SAPCD2: variants seen among roughly 807,000 people sequenced by gnomAD.
The protein encoded by SAPCD2 is suppressor APC domain containing 2.
SAPCD2 carries 34 observed loss-of-function variants against 37.8 expected under a neutral mutation model. The ratio of observed to expected loss-of-function variants is 0.90; its 90% CI spans 0.68 to 1.20. The LOEUF (loss-of-function observed/expected upper bound fraction) is 1.20. Ranked by LOEUF, SAPCD2 falls within the 50% of genes most tolerant of loss-of-function variation. SAPCD2 has a pLI of 0.00. For synonymous variants in SAPCD2, 275 were observed against 270.3 expected (o/e 1.02, Z -0.17); for missense variants, 572 against 584.7 (o/e 0.98, Z 0.22).
intron 1 of SAPCD2, 108 bp from the exon 2 acceptor site, chr9:137,066,482 C>T: frequency 1.2e-6 from 1 of 817,222 alleles, no homozygotes; most frequent in Non-Finnish European, 1.9e-6. Context: ...TCTCGGGCAC[C>T]AGCCTGGCAT....
intron 2 of SAPCD2, 107 bp from the exon 3 acceptor site, chr9:137,065,775 G>A: frequency 7.4e-7 from 1 of 1,350,546 alleles, no homozygotes; most frequent in Non-Finnish European, 1.0e-6. Flanking sequence ...AGACACAAAT[G>A]CAGCAGCACG....
Position 137,064,271 on chromosome 9 carries a change from T to C in SAPCD2, c.*388A>G. 1 of 257,070 alleles carries C rather than the reference T, an allele frequency of 3.9e-6. No individual in the cohort carries two copies. The highest frequency in any genetic ancestry group is 7.7e-6 in the Non-Finnish European group (1 of 129,934). 15.9% of individuals were successfully genotyped at this position (257,070 alleles called of 1,614,324 possible). ...GCCCCGCGCCCTCTGCTGCCCGTTG[T>C]TGGAAGTGCAGCCTGGCGTGGGCAG... On this transcript the variant is annotated 3_prime_UTR_variant, in exon 6 of 6. Transcript: ENST00000409687.
chr9:137,064,941 G>C lies in SAPCD2; in HGVS notation c.978C>G (p.Ala326=), dbSNP rs1300500264. The change falls in exon 5 of 6, where the codon GCC becomes GCG. Residue 326 remains alanine (A), a synonymous_variant. Coordinates refer to ENST00000409687, the MANE Select transcript of SAPCD2 (RefSeq NM_178448.4). ...PPSSSGPPCP[A]LTSTSPPVWQ... The stretch of plus-strand genomic sequence containing the variant: ...AGACCGGGGGTGAGGTGGACGTCAG[G>C]GCAGGGCAGGGGGGCCCGGAGGAGG... 2.6e-6 allele frequency: 4 copies of C among 1,552,440 alleles called. No individual in the cohort carries two copies. The highest frequency in any genetic ancestry group is 3.5e-6 in the Non-Finnish European group (4 of 1,148,544).
In SAPCD2 at chr9:137,064,761, G is replaced by T; in HGVS notation, c.1083C>A (p.Ile361=). ...TQEVTEKSER[I]TQLEQEKSAL... is the part of the protein sequence containing the mutation. ...CCGACTTCTCCTGCTCCAGCTGCGT[G>T]ATGCGCTCACTCTTCTCGGTCACCT... Residue 361 remains isoleucine (I), a synonymous_variant, in exon 6 of 6, where the codon ATC becomes ATA. Transcript: ENST00000409687. 6.3e-7 allele frequency: 1 copy of T among 1,594,504 alleles called. No individual in the cohort carries two copies. The highest frequency in any genetic ancestry group is 8.5e-7 in the Non-Finnish European group (1 of 1,171,272).
At chr9:137,068,750 A>C (rs981251517) in intron 1 of SAPCD2, among the ~76,000 whole-genome samples, 1 of 152,246 alleles carries the variant, frequency 6.6e-6, no homozygotes, top group Non-Finnish European at 1.5e-5. Flanking sequence ...GGTGGACCAC[A>C]GGCTTAGGCC....
At position 137,070,155 on chromosome 9, in the gene SAPCD2, G is replaced by T; in HGVS notation, c.306C>A (p.Pro102=). The T allele has an allele frequency of 8.2e-7, 1 of 1,217,056 alleles. No individual in the cohort carries two copies. The highest frequency in any genetic ancestry group is 4.4e-5 in the Admixed American group (1 of 22,952). 75.4% of individuals were successfully genotyped at this position (1,217,056 alleles called of 1,614,324 possible). The change falls in exon 1 of 6, where the codon CCC becomes CCA. Residue 102 remains proline, a synonymous_variant. Transcript: ENST00000409687. ...GGGCCGGGGCGCGCGTGGGGTCCCG[G>T]GGGCCGCCGTCGGCGCTCAGCAGGG... ...RTSLLSADGG[P]RDPTRAPARP... is the part of the protein sequence containing the mutation.
At chr9:137,065,807 A>C in intron 2 of SAPCD2, 139 bp from the exon 3 acceptor site, 8 of 1,026,530 alleles carry the variant, frequency 7.8e-6, no homozygotes, top group Non-Finnish European at 8.6e-6. Context: ...GCAAACACCC[A>C]CGGACGCACG....
chr9:137,067,982 C>A (rs1832574309), intron 1 of SAPCD2, among the ~76,000 whole-genome samples: 1 of 152,100 alleles, frequency 6.6e-6, no homozygotes, highest in Admixed American at 6.5e-5. Flanking sequence ...CCTCCCCAGG[C>A]TACAGAAGTG....
At chr9:137,069,379 G>T (rs538447706) in intron 1 of SAPCD2, among the ~76,000 whole-genome samples, 196 of 152,124 alleles carry the variant, frequency 1.3e-3, no homozygotes, top group African/African-American at 4.7e-3. Context: ...GGTCCTCTTG[G>T]GCCACCAGCA....
chr9:137,068,428 C>T (rs969641199), intron 1 of SAPCD2, among the ~76,000 whole-genome samples: 5 of 152,312 alleles, frequency 3.3e-5, no homozygotes, highest in South Asian at 2.1e-4. Context: ...AGCCAGCAGG[C>T]CACACCTCCA....
At position 137,070,336 on chromosome 9, in the gene SAPCD2, C is replaced by A. The variant is rs773495264; in HGVS notation, c.125G>T (p.Arg42Leu). Residue 42 changes from arginine (R) to leucine (L), a missense_variant, in exon 1 of 6, where the codon CGG becomes CTG. Arg to Leu is a moderately radical substitution (Grantham distance 102). Coordinates refer to ENST00000409687, the MANE Select transcript of SAPCD2 (RefSeq NM_178448.4). ...LRTLFDILDDRRRGCVHLREI... is the reference protein window; with the variant it reads ...LRTLFDILDDLRRGCVHLREI... ...GCGCAGGTGCACGCAGCCGCGCCGC[C>A]GGTCGTCCAGGATGTCGAACAGGGT... 8 of 1,472,376 alleles carry A rather than the reference C, an allele frequency of 5.4e-6. No homozygotes were observed. The highest frequency in any genetic ancestry group is 2.9e-5 in the East Asian group (1 of 34,060). 91.2% of individuals were successfully genotyped at this position (1,472,376 alleles called of 1,614,324 possible). A position where few individuals can be genotyped will look rare whatever the true frequency, so the allele number is the denominator to read the frequency against.
Position 137,064,925 on chromosome 9 carries a change from G to C in SAPCD2, c.994C>G (p.Pro332Ala). Residue 332 changes from proline to alanine, a missense_variant, in exon 5 of 6, where the codon CCC (proline) becomes GCC (alanine). Transcript: ENST00000409687. ...PPCPALTSTS[P>A]PVWQQQTILM... ...ATGGTCTGCTGCTGCCAGACCGGGG[G>C]TGAGGTGGACGTCAGGGCAGGGCAG... 1 of 1,556,668 alleles carries C rather than the reference G, an allele frequency of 6.4e-7. No individual in the cohort carries two copies. Among genetic ancestry groups the C allele is most frequent in the Non-Finnish European group, 8.7e-7 (1 of 1,150,648 alleles).
intron 1 of SAPCD2, among the ~76,000 whole-genome samples, chr9:137,069,349 C>T (rs1402347973): frequency 6.6e-6 from 1 of 152,326 alleles, no homozygotes; most frequent in African/African-American, 2.4e-5. Flanking sequence ...ACGCCCCTGC[C>T]CATCTTGGCA....
At chr9:137,066,475 C>T (rs533437921) in intron 1 of SAPCD2, 101 bp from the exon 2 acceptor site, 30 of 874,586 alleles carry the variant, frequency 3.4e-5, no homozygotes, top group Middle Eastern at 2.7e-4. Flanking sequence ...CTCGAGGTCT[C>T]GGGCACCAGC....
At position 137,066,320 on chromosome 9, in the gene SAPCD2, G is replaced by A. The variant is rs538720683; in HGVS notation, c.626C>T (p.Pro209Leu). The A allele has an allele frequency of 5.0e-6, 8 of 1,610,104 alleles. No homozygotes were observed. Among genetic ancestry groups the A allele is most frequent in the Admixed American group, 1.7e-5 (1 of 59,806 alleles). ...CCTCCGACGTTCCCCTCGGGCACGG[G>A]GAGCCCGCCGGGCATCCCCTGAGTC... ...EADSGDARRA[P>L]RARGERRRHT... The change falls in exon 2 of 6, where the codon CCC becomes CTC. Residue 209 changes from proline (P) to leucine (L), a missense_variant. Pro to Leu is a moderately conservative substitution (Grantham distance 98). Transcript: ENST00000409687.
chr9:137,070,427 C>G lies in SAPCD2; in HGVS notation c.34G>C (p.Val12Leu), dbSNP rs1292094204. 5 of 1,280,272 alleles carry G rather than the reference C, an allele frequency of 3.9e-6. No homozygotes were observed. The African/African-American group carries it at 4.6e-5, about 12-fold the overall frequency. 79.3% of individuals were successfully genotyped at this position (1,280,272 alleles called of 1,614,324 possible). The change falls in exon 1 of 6, where the codon GTG becomes CTG. Residue 12 changes from valine (V) to leucine (L), a missense_variant. Transcript: ENST00000409687. ...AGAAMAERGRVPPPAPAPSTE... is the reference protein window; with the variant it reads ...AGAAMAERGRLPPPAPAPSTE... ...CTGGGCGCGGGTGCGGGGGGAGGCA[C>G]GCGGCCCCGCTCGGCCATGGCGGCC... is the stretch of plus-strand genomic sequence containing the variant.
rs1411477867 is a variant in SAPCD2 at position 137,066,377 on chromosome 9, G to C, written c.572-3C>G. ...CAGGGCCCTGCACGCCACTGCACCT[G>C]TTATGGAGAGGCATGGGCCTGGCTC... On this transcript the variant is annotated splice_region_variant and splice_polypyrimidine_tract_variant and intron_variant, in intron 1 of 5. Coordinates refer to ENST00000409687, the MANE Select transcript of SAPCD2 (RefSeq NM_178448.4). The C allele has an allele frequency of 6.3e-7, 1 of 1,587,970 alleles. No individual in the cohort carries two copies. Among genetic ancestry groups the C allele is most frequent in the Non-Finnish European group, 8.6e-7 (1 of 1,165,814 alleles).
chr9:137,064,711 G>A lies in SAPCD2; in HGVS notation c.1133C>T (p.Ala378Val), dbSNP rs1382419404. 1 of 1,593,874 alleles carries A rather than the reference G, an allele frequency of 6.3e-7. No individual in the cohort carries two copies. The highest frequency in any genetic ancestry group is 1.1e-5 in the South Asian group (1 of 88,208). Residue 378 changes from alanine to valine, a missense_variant, in exon 6 of 6, where the codon GCC (alanine) becomes GTC (valine). Physicochemically the swap from Ala to Val is moderately conservative, Grantham distance 64. Coordinates refer to ENST00000409687, the MANE Select transcript of SAPCD2 (RefSeq NM_178448.4). ...KSALIKQLFEARALSQQDGGP... is the reference protein window; with the variant it reads ...KSALIKQLFEVRALSQQDGGP... ...CCCGTCCTGCTGGCTCAGGGCGCGGGCCTCAAACAGCTGCTTAATGAGCGC... is the reference window on the plus strand; with the variant it reads ...CCCGTCCTGCTGGCTCAGGGCGCGGACCTCAAACAGCTGCTTAATGAGCGC...
chr9:137,066,741 CG>C (rs1029820537), intron 1 of SAPCD2, among the ~76,000 whole-genome samples: 1 of 152,084 alleles, frequency 6.6e-6, no homozygotes, highest in Non-Finnish European at 1.5e-5. Flanking sequence ...GAGGAGTGGG[CG>C]GGGGGGTTCT....
Sources: gnomAD v4.1 joint callset for allele counts (sites outside exome capture counted in the v4.1 genomes callset) on GRCh38, gnomAD v4.1.1 for gene constraint, MANE v1.5 for transcripts, NCBI Gene and HGNC (gene_info 2026-07-23, HGNC 2026-07-21) for gene names.